Variants in MAPKAPK2 observed in about 807,000 individuals in gnomAD.
MAPKAPK2 encodes the protein MAPK activated protein kinase 2.
A neutral mutation model predicts 48.8 loss-of-function variants in MAPKAPK2; 9 were observed. The observed-to-expected ratio is 0.18, with a 90% CI of 0.11 to 0.32. MAPKAPK2 has a LOEUF of 0.32. Ranked by LOEUF, MAPKAPK2 falls within the 10% of genes least tolerant of loss-of-function variation. The probability of loss-of-function intolerance (pLI) is 1.00; values close to 1 mark genes in which losing one functional copy is unlikely to be tolerated. For missense variants in MAPKAPK2, 331 were observed against 498.3 expected (o/e 0.66, Z 3.20); for synonymous variants, 202 against 190.6 (o/e 1.06, Z -0.49).
intron 1 of MAPKAPK2, among the ~76,000 whole-genome samples, chr1:206,715,031 T>G (rs1348589551): frequency 6.6e-6 from 1 of 152,094 alleles, no homozygotes; most frequent in Non-Finnish European, 1.5e-5. Context: ...GGAATCAACC[T>G]GTACTTTCCT....
chr1:206,699,520 C>T (rs1330118933), intron 1 of MAPKAPK2, among the ~76,000 whole-genome samples: 1 of 152,136 alleles, frequency 6.6e-6, no homozygotes, highest in Non-Finnish European at 1.5e-5. Context: ...GCTGCCTCTC[C>T]AGGAATCTGG....
chr1:206,732,365 G>A lies in MAPKAPK2; in HGVS notation c.1060-210G>A, dbSNP rs1296748276. The A allele has an allele frequency of 1.4e-6, 2 of 1,446,494 alleles. No individual in the cohort carries two copies. The highest frequency in any genetic ancestry group is 1.8e-6 in the Non-Finnish European group (2 of 1,102,064). The allele number at this position is 1,446,494 out of a possible 1,614,324, so 89.6% of individuals were successfully genotyped here. A position where few individuals can be genotyped will look rare whatever the true frequency, so the allele number is the denominator to read the frequency against. ...GGGGCTCTCAGGGAACAGCAGCAGT[G>A]CCATAGCCAGGCTCTCTGCTGCCCA... On this transcript the variant is annotated intron_variant, in intron 9 of 9. Transcript: ENST00000367103. The surrounding 1 kb of genome is among the most constrained non-coding windows in gnomAD (Gnocchi z 4.4).
At position 206,685,404 on chromosome 1, in the gene MAPKAPK2, A is replaced by G; in HGVS notation, c.175A>G (p.Ile59Val). Residue 59 changes from isoleucine to valine, a missense_variant, in exon 1 of 10, where the codon ATC (isoleucine) becomes GTC (valine). Ile to Val is a conservative substitution (Grantham distance 29, BLOSUM62 3). This residue lies in a region of MAPKAPK2 where 93 missense variants were observed against 81.0 expected (regional missense o/e 1.15). Coordinates refer to ENST00000367103, the MANE Select transcript of MAPKAPK2 (RefSeq NM_032960.4). ...KSGLQIKKNAIIDDYKVTSQV... is the reference protein window; with the variant it reads ...KSGLQIKKNAVIDDYKVTSQV... ...CGGCCTGCAGATCAAGAAGAACGCC[A>G]TCATCGATGACTACAAGGTCACCAG... The G allele has an allele frequency of 6.7e-7, 1 of 1,500,446 alleles. No homozygotes were observed. The highest frequency in any genetic ancestry group is 9.0e-7 in the Non-Finnish European group (1 of 1,113,362). 92.9% of individuals were successfully genotyped at this position (1,500,446 alleles called of 1,614,324 possible).
chr1:206,689,085 C>T lies in MAPKAPK2; in HGVS notation c.279+3577C>T, dbSNP rs181265882. 7.2e-5 allele frequency among the ~76,000 whole-genome samples: 11 copies of T among 152,270 alleles called. No individual in the cohort carries two copies. In the East Asian group the frequency reaches 9.6e-4, roughly 13 times the overall value. ...CAACAAATTTAATTAAAGACTGTAT[C>T]GTTGTTCTCTGCTGTGCAACTCTGA... On this transcript the variant is annotated intron_variant, in intron 1 of 9. Coordinates refer to ENST00000367103, the MANE Select transcript of MAPKAPK2 (RefSeq NM_032960.4).
At chr1:206,689,927 C>A (rs541772375) in intron 1 of MAPKAPK2, among the ~76,000 whole-genome samples, 11 of 152,210 alleles carry the variant, frequency 7.2e-5, no homozygotes, top group African/African-American at 2.4e-4. Flanking sequence ...AATAGAGGAG[C>A]TTTGAAAGAG....
At chr1:206,693,744 G>C (rs1031004911) in intron 1 of MAPKAPK2, among the ~76,000 whole-genome samples, 1 of 152,208 alleles carries the variant, frequency 6.6e-6, no homozygotes. Context: ...GCTACCTACC[G>C]TGTACTCCTG....
At position 206,685,351 on chromosome 1, in the gene MAPKAPK2, A is replaced by T. The variant is rs1553425404; in HGVS notation, c.122A>T (p.Gln41Leu). Residue 41 changes from glutamine (Q) to leucine (L), a missense_variant, in exon 1 of 10, where the codon CAG becomes CTG. Physicochemically the swap from Gln to Leu is moderately radical, Grantham distance 113. Around this residue, in one of 4 missense-constraint regions of MAPKAPK2, gnomAD observed 93 missense variants for 81.0 expected, o/e 1.15. Coordinates refer to ENST00000367103, the MANE Select transcript of MAPKAPK2 (RefSeq NM_032960.4). The part of the protein sequence containing the change: ...PPAQPPPPPP[Q>L]QFPQFHVKSG... ...GCGCAGCCGCCGCCGCCGCCCCCGC[A>T]GCAGTTCCCGCAGTTCCACGTCAAG... 3.8e-6 allele frequency: 5 copies of T among 1,316,578 alleles called. No homozygotes were observed. The South Asian group carries it at 6.1e-5, about 16-fold the overall frequency. 81.6% of individuals were successfully genotyped at this position (1,316,578 alleles called of 1,614,324 possible).
intron 4 of MAPKAPK2, among the ~76,000 whole-genome samples, chr1:206,729,707 C>T (rs1673836224): frequency 6.6e-6 from 1 of 152,084 alleles, no homozygotes; most frequent in Non-Finnish European, 1.5e-5. Context: ...AGGCAGAACC[C>T]CTCAGTCACA....
Position 206,731,186 on chromosome 1 carries a change from T to A in MAPKAPK2, c.816T>A (p.Ser272=). The A allele has an allele frequency of 6.2e-7, 1 of 1,614,144 alleles. No homozygotes were observed. The highest frequency in any genetic ancestry group is 1.3e-5 in the African/African-American group (1 of 75,028). Residue 272 remains serine (S), a synonymous_variant, in exon 7 of 10, where the codon TCT becomes TCA. Transcript: ENST00000367103. This position sits in a 1 kb window ranked among gnomAD's most constrained non-coding sequence, Gnocchi z 5.9. The stretch of plus-strand genomic sequence containing the variant: ...ACTCCAACCACGGCCTTGCCATCTC[T>A]CCGGGCATGAAGACTCGCATCCGAA... ...PFYSNHGLAI[S]PGMKTRIRMG... is the part of the protein sequence containing the mutation.
intron 1 of MAPKAPK2, among the ~76,000 whole-genome samples, chr1:206,697,905 G>A (rs1477650848): frequency 6.6e-6 from 1 of 152,268 alleles, no homozygotes; most frequent in African/African-American, 2.4e-5. Context: ...CCTAGGACCT[G>A]TCTGGGCCTC....
Position 206,731,801 on chromosome 1 carries a change from C to G in MAPKAPK2, c.979-38C>G, listed in dbSNP as rs370498630. The G allele has an allele frequency of 3.2e-5, 51 of 1,610,168 alleles. No homozygotes were observed. Among genetic ancestry groups the G allele is most frequent in the Non-Finnish European group, 4.1e-5 (48 of 1,176,544 alleles). On this transcript the variant is annotated intron_variant, in intron 8 of 9. Transcript: ENST00000367103. The surrounding 1 kb of genome is among the most constrained non-coding windows in gnomAD (Gnocchi z 5.9). Reference sequence around the variant, plus strand: ...GACAGAGTCTTAGCCAGGACCCTACCCCAGGCTTTCACTCGGACCCCTTTT... The same window carrying G: ...GACAGAGTCTTAGCCAGGACCCTACGCCAGGCTTTCACTCGGACCCCTTTT...
chr1:206,717,382 C>T (rs1673370050), intron 1 of MAPKAPK2, among the ~76,000 whole-genome samples: 1 of 152,186 alleles, frequency 6.6e-6, no homozygotes, highest in Non-Finnish European at 1.5e-5. Flanking sequence ...TCCTCTTTCT[C>T]TTTCAGTGCC....
At chr1:206,709,417 G>C (rs1553429135) in intron 1 of MAPKAPK2, among the ~76,000 whole-genome samples, 3 of 152,184 alleles carry the variant, frequency 2.0e-5, no homozygotes, top group African/African-American at 7.2e-5. Flanking sequence ...GTGGATTCTA[G>C]GTATGGGAGA....
At chr1:206,723,682 C>T (rs782661488) in intron 1 of MAPKAPK2, among the ~76,000 whole-genome samples, 14 of 152,212 alleles carry the variant, frequency 9.2e-5, no homozygotes, top group Admixed American at 2.0e-4. Context: ...AGTCTTTCCA[C>T]GTGGCTCCAC....
At chr1:206,728,588 G>C (rs371156236) in intron 1 of MAPKAPK2, 122 bp from the exon 2 acceptor site, 23 of 1,105,984 alleles carry the variant, frequency 2.1e-5, no homozygotes, top group South Asian at 1.4e-4. Context: ...GGGCTGGTGG[G>C]GGGGGCCAGC....
intron 1 of MAPKAPK2, among the ~76,000 whole-genome samples, chr1:206,702,171 C>T (rs1553428010): frequency 1.3e-5 from 2 of 152,148 alleles, no homozygotes; most frequent in African/African-American, 2.4e-5. Flanking sequence ...GAAAAATTCG[C>T]TGTTGTTAAA....
At position 206,695,658 on chromosome 1, in the gene MAPKAPK2, G is replaced by A. The variant is rs540754423; in HGVS notation, c.279+10150G>A. On this transcript the variant is annotated intron_variant, in intron 1 of 9. Coordinates refer to ENST00000367103, the MANE Select transcript of MAPKAPK2 (RefSeq NM_032960.4). ...AGATGCTGCTTTTCCAGAGCCTTTC[G>A]CACCAAAAGTGGGTCTTCCCATCCT... 7.9e-5 allele frequency among the ~76,000 whole-genome samples: 12 copies of A among 151,538 alleles called. No homozygotes were observed. In the East Asian group the frequency reaches 1.4e-3, roughly 17 times the overall value.
At chr1:206,710,030 ATC>A (rs1673089046) in intron 1 of MAPKAPK2, among the ~76,000 whole-genome samples, 1 of 152,240 alleles carries the variant, frequency 6.6e-6, no homozygotes, top group African/African-American at 2.4e-5. Context: ...CTGAAAGGTA[ATC>A]ACTGCCAGCT....
intron 1 of MAPKAPK2, 23 bp downstream of exon 1, chr1:206,685,531 G>T: frequency 6.7e-7 from 1 of 1,489,398 alleles, no homozygotes. Flanking sequence ...CCCGGGGAGG[G>T]GAGGCGGGGC....
Sources: gnomAD v4.1 joint callset for allele counts (sites outside exome capture counted in the v4.1 genomes callset) on GRCh38, gnomAD v4.1.1 for gene constraint, gnomAD v4.1.1 regional missense constraint, Gnocchi (gnomAD v3.1) non-coding constraint, MANE v1.5 for transcripts, NCBI Gene and HGNC (gene_info 2026-07-23, HGNC 2026-07-21) for gene names.